ARMC9: variants seen among roughly 807,000 people sequenced by gnomAD.
ARMC9 encodes the protein lisH domain-containing protein ARMC9.
Under a neutral mutation model 107.0 loss-of-function variants are expected in ARMC9, and 94 were observed. That is an observed-to-expected ratio of 0.88 (90% CI 0.74 to 1.04). The LOEUF (loss-of-function observed/expected upper bound fraction) is 1.04, where lower values mean the gene tolerates loss of function less well. Among genes scored for constraint, ARMC9 ranks in the 50% least tolerant of loss-of-function variants. The pLI is 0.00. For missense variants in ARMC9, 942 were observed against 1,030.1 expected (o/e 0.91, Z 1.17); for synonymous variants, 380 against 396.9 (o/e 0.96, Z 0.51).
intron 1 of ARMC9, among the ~76,000 whole-genome samples, chr2:231,202,061 A>G (rs1387914616): frequency 1.4e-5 from 2 of 148,042 alleles, no homozygotes; most frequent in African/African-American, 5.0e-5. Context: ...GTGCAATGGC[A>G]CGATCTCGGC....
At chr2:231,327,698 G>A (rs958571367) in intron 19 of ARMC9, among the ~76,000 whole-genome samples, 2 of 152,172 alleles carry the variant, frequency 1.3e-5, no homozygotes, top group African/African-American at 4.8e-5. Flanking sequence ...ATGCCCAGGA[G>A]TATAATTGCT....
At chr2:231,281,602 T>G in intron 16 of ARMC9, among the ~76,000 whole-genome samples, 1 of 152,072 alleles carries the variant, frequency 6.6e-6, no homozygotes, top group East Asian at 1.9e-4. Context: ...GTAGAGAGAC[T>G]GGTTTGGAGA....
chr2:231,220,371 C>T (rs1463298295), intron 5 of ARMC9, among the ~76,000 whole-genome samples: 5 of 151,938 alleles, frequency 3.3e-5, no homozygotes, highest in Non-Finnish European at 5.9e-5. Flanking sequence ...CCAAGGTGGG[C>T]GGATCACCTG....
intron 19 of ARMC9, 103 bp from the exon 20 acceptor site, chr2:231,331,690 C>A: frequency 1.0e-6 from 1 of 968,992 alleles, no homozygotes; most frequent in Non-Finnish European, 1.6e-6. Context: ...CTGTGATTGG[C>A]CGAGGCCTTC....
At chr2:231,270,445 A>C in intron 12 of ARMC9, 1 of 361,706 alleles carries the variant, frequency 2.8e-6, no homozygotes, top group Non-Finnish European at 5.5e-6. Context: ...TTGAGGAGTG[A>C]GTAATGGAAA....
intron 6 of ARMC9, among the ~76,000 whole-genome samples, chr2:231,223,691 C>G (rs187044358): frequency 3.3e-5 from 5 of 152,290 alleles, no homozygotes; most frequent in Admixed American, 3.3e-4. Context: ...TTATTTGTCA[C>G]TAGGACTCCA....
At position 231,276,685 on chromosome 2, in the gene ARMC9, G is replaced by A. The variant is rs1261787038; in HGVS notation, c.1384G>A (p.Val462Ile). Residue 462 changes from valine (V) to isoleucine (I), a missense_variant, in exon 15 of 25, where the codon GTT (valine) becomes ATT (isoleucine). Transcript: ENST00000611582. ...MIQDGLIFWL[V>I]DVLKDPDCLS... Reference sequence around the variant, plus strand: ...TCAAGACGGCCTCATCTTCTGGCTGGTTGATGTTCTGAAGGACCCTGACTG... The same window carrying A: ...TCAAGACGGCCTCATCTTCTGGCTGATTGATGTTCTGAAGGACCCTGACTG... 1.9e-6 allele frequency: 3 copies of A among 1,614,136 alleles called. No individual in the cohort carries two copies. Among genetic ancestry groups the A allele is most frequent in the Non-Finnish European group, 1.7e-6 (2 of 1,180,024 alleles).
At chr2:231,278,655 A>G (rs1574921864) in intron 16 of ARMC9, among the ~76,000 whole-genome samples, 197 bp downstream of exon 16, 1 of 152,282 alleles carries the variant, frequency 6.6e-6, no homozygotes, top group Admixed American at 6.5e-5. Context: ...CAGAAGCAGG[A>G]TGTTCTTTCC....
intron 3 of ARMC9, among the ~76,000 whole-genome samples, chr2:231,212,868 T>C (rs1271267148): frequency 6.6e-6 from 1 of 152,208 alleles, no homozygotes; most frequent in Non-Finnish European, 1.5e-5. Flanking sequence ...TAGATGCTCA[T>C]TGTAGGGCTT....
At chr2:231,256,263 T>G in intron 9 of ARMC9, 1 of 1,551,520 alleles carries the variant, frequency 6.4e-7, no homozygotes, top group East Asian at 2.4e-5. Context: ...GGCGACGTGC[T>G]CACCCTTTTG....
At chr2:231,324,325 A>T (rs939237811) in intron 19 of ARMC9, among the ~76,000 whole-genome samples, 1 of 150,758 alleles carries the variant, frequency 6.6e-6, no homozygotes, top group Non-Finnish European at 1.5e-5. Flanking sequence ...ACGGGGTTTC[A>T]CCATATTGGC....
intron 19 of ARMC9, among the ~76,000 whole-genome samples, chr2:231,323,542 G>A (rs1039442827): frequency 3.9e-5 from 6 of 152,020 alleles, no homozygotes; most frequent in Admixed American, 2.0e-4. Flanking sequence ...GTTTGCTTCC[G>A]CTCTCTCCCC....
chr2:231,361,147 A>T (rs1352442169), intron 23 of ARMC9, among the ~76,000 whole-genome samples: 2 of 152,194 alleles, frequency 1.3e-5, no homozygotes, highest in Non-Finnish European at 2.9e-5. Flanking sequence ...ACTAGTTTTC[A>T]AAACTGCCAG....
In ARMC9 at chr2:231,374,781, GA is replaced by G. The variant is rs2046145946; in HGVS notation, c.*3247del. On this transcript the variant is annotated 3_prime_UTR_variant, in exon 25 of 25. Coordinates refer to ENST00000611582, the MANE Select transcript of ARMC9 (RefSeq NM_001352754.2). Reference sequence around the variant, plus strand: ...ATAGGCAGCTGGGACGTGGACCAGAGATACCAATTTGATTTTTTTTAAATAT... The same window carrying G: ...ATAGGCAGCTGGGACGTGGACCAGAGTACCAATTTGATTTTTTTTAAATAT... The G allele has an allele frequency of 1.3e-5, 2 of 152,150 alleles. No individual in the cohort carries two copies. Among genetic ancestry groups the G allele is most frequent in the African/African-American group, 2.4e-5 (1 of 41,436 alleles). The allele number at this position is 152,150 out of a possible 1,614,324, so 9.4% of individuals were successfully genotyped here. A position where few individuals can be genotyped will look rare whatever the true frequency, so the allele number is the denominator to read the frequency against.
intron 6 of ARMC9, 120 bp downstream of exon 6, chr2:231,222,940 C>T (rs1655384568): frequency 1.7e-6 from 1 of 590,396 alleles, no homozygotes; most frequent in Admixed American, 3.4e-5. Flanking sequence ...AATAGTGTTG[C>T]TTTCATATTT....
Position 231,271,024 on chromosome 2 carries a change from C to CGGCA in ARMC9, c.1164_1167dup (p.Tyr390AlafsTer75). 1 of 1,614,122 alleles carries CGGCA rather than the reference C, an allele frequency of 6.2e-7. No individual in the cohort carries two copies. The highest frequency in any genetic ancestry group is 1.1e-5 in the South Asian group (1 of 91,074). On this transcript the variant is annotated frameshift_variant, in exon 13 of 25. Transcript: ENST00000611582. LOFTEE classifies it high-confidence loss of function. Reference sequence around the variant, plus strand: ...GCTGCACTCCACGAGCGACGTGGTGCGGCAGTACATGGCCAGGCTCATCAA... The same window carrying CGGCA: ...GCTGCACTCCACGAGCGACGTGGTGCGGCAGGCAGTACATGGCCAGGCTCATCAA...
chr2:231,284,009 G>T (rs1041080715), intron 17 of ARMC9, among the ~76,000 whole-genome samples: 1 of 152,182 alleles, frequency 6.6e-6, no homozygotes, highest in Admixed American at 6.5e-5. Context: ...TGCATGAGCC[G>T]CTGAGCCTGG....
rs1470036019 is a variant in ARMC9, at chr2:231,373,694, GAGTTCGAGA to G, written c.*2160_*2168del. 2.0e-5 allele frequency: 3 copies of G among 152,168 alleles called. No individual in the cohort carries two copies. Among genetic ancestry groups the G allele is most frequent in the African/African-American group, 7.2e-5 (3 of 41,418 alleles). The allele number at this position is 152,168 out of a possible 1,614,324, so 9.4% of individuals were successfully genotyped here. ...CGGATGGATCACTTGAGGCCTCCAGGAGTTCGAGACCAGCCTGGCCAACATGGCGAAACC... is the reference window on the plus strand; with the variant it reads ...CGGATGGATCACTTGAGGCCTCCAGGCCAGCCTGGCCAACATGGCGAAACC... On this transcript the variant is annotated 3_prime_UTR_variant, in exon 25 of 25. Coordinates refer to ENST00000611582, the MANE Select transcript of ARMC9 (RefSeq NM_001352754.2). This position sits in a 1 kb window ranked among gnomAD's most constrained non-coding sequence, Gnocchi z 4.4.
intron 1 of ARMC9, among the ~76,000 whole-genome samples, chr2:231,199,837 A>G (rs2030500367): frequency 6.6e-6 from 1 of 152,062 alleles, no homozygotes; most frequent in Non-Finnish European, 1.5e-5. Flanking sequence ...CTGGGATTAC[A>G]GGTGCAGACG....
Sources: allele counts gnomAD v4.1 joint callset (sites outside exome capture counted in the v4.1 genomes callset), GRCh38; gene constraint gnomAD v4.1.1; non-coding constraint Gnocchi (gnomAD v3.1); transcripts MANE v1.5; gene names NCBI Gene and HGNC (gene_info 2026-07-23, HGNC 2026-07-21).